The following RTN1 variants were observed in gnomAD, a reference collection of about 807,000 sequenced individuals.
The protein encoded by RTN1 is reticulon-1.
In RTN1, 25 loss-of-function variants were observed where a neutral mutation model predicts 65.5. That is an observed-to-expected ratio of 0.38 (90% CI 0.28 to 0.53). RTN1 has a LOEUF of 0.53. Ranked by LOEUF, RTN1 falls within the 20% of genes least tolerant of loss-of-function variation. RTN1 has a pLI of 0.79. For missense variants in RTN1, 983 were observed against 1,025.4 expected (o/e 0.96, Z 0.57); for synonymous variants, 471 against 447.6 (o/e 1.05, Z -0.66).
At chr14:59,815,119 C>T (rs1227120997) in intron 1 of RTN1, among the ~76,000 whole-genome samples, 1 of 152,174 alleles carries the variant, frequency 6.6e-6, no homozygotes, top group Non-Finnish European at 1.5e-5. Context: ...AAGACAGCTC[C>T]TATTTACTCT....
intron 1 of RTN1, among the ~76,000 whole-genome samples, chr14:59,844,213 C>T (rs568499650): frequency 6.6e-5 from 10 of 152,252 alleles, no homozygotes; most frequent in South Asian, 2.1e-4. Flanking sequence ...CCCGAACTCA[C>T]GTTGAAATTT....
intron 3 of RTN1, among the ~76,000 whole-genome samples, chr14:59,700,030 A>G (rs755900522): frequency 1.3e-5 from 2 of 152,086 alleles, no homozygotes; most frequent in South Asian, 4.1e-4. Flanking sequence ...CACCTACTCA[A>G]CTCTACCCTT....
In RTN1 at chr14:59,639,303, A is replaced by G. The variant is rs138857797; in HGVS notation, c.1766-31811T>C. On this transcript the variant is annotated intron_variant, in intron 3 of 8. Coordinates refer to ENST00000267484, the MANE Select transcript of RTN1 (RefSeq NM_021136.3). Reference sequence around the variant, plus strand: ...TAACTAGAAAAGAGTTTAAAATAGTATAAGAATCAGCAAAATGTTACAGAG... The same window carrying G: ...TAACTAGAAAAGAGTTTAAAATAGTGTAAGAATCAGCAAAATGTTACAGAG... Among the ~76,000 whole-genome samples the G allele has an allele frequency of 5.9e-4, 90 of 152,356 alleles. 2 individuals are homozygous for G. The South Asian group carries it at 6.8e-3, about 12-fold the overall frequency.
intron 3 of RTN1, chr14:59,630,356 T>C: frequency 6.5e-7 from 1 of 1,541,816 alleles, no homozygotes; most frequent in Non-Finnish European, 8.9e-7. Context: ...CATGCACAGG[T>C]CCCACAGGTG....
intron 3 of RTN1, among the ~76,000 whole-genome samples, chr14:59,614,561 T>A (rs1438918547): frequency 6.6e-6 from 1 of 152,248 alleles, no homozygotes; most frequent in Non-Finnish European, 1.5e-5. Context: ...GTTTTAAAGA[T>A]TATTGGTAAA....
chr14:59,819,471 C>A (rs947906124), intron 1 of RTN1, among the ~76,000 whole-genome samples: 4 of 121,854 alleles, frequency 3.3e-5, no homozygotes, highest in Non-Finnish European at 6.6e-5. Flanking sequence ...AGAGTACAAT[C>A]CTCCAGCTAG....
At position 59,829,394 on chromosome 14, in the gene RTN1, CAAAAT is replaced by C. The variant is rs998394575; in HGVS notation, c.241+40991_241+40995del. On this transcript the variant is annotated intron_variant, in intron 1 of 8. Transcript: ENST00000267484. The surrounding 1 kb of genome is among the most constrained non-coding windows in gnomAD (Gnocchi z 4.3). The stretch of plus-strand genomic sequence containing the variant: ...TGCATTAAAAAACACCTCTATTAGT[CAAAAT>C]AGAATAGTTAATGCTGAGGTGACCC... Among the ~76,000 whole-genome samples, 1 of 152,088 alleles carries C rather than the reference CAAAAT, an allele frequency of 6.6e-6. No homozygotes were observed. Among genetic ancestry groups the C allele is most frequent in the African/African-American group, 2.4e-5 (1 of 41,398 alleles).
intron 3 of RTN1, among the ~76,000 whole-genome samples, chr14:59,653,365 T>C (rs926785577): frequency 9.6e-5 from 14 of 146,446 alleles, no homozygotes; most frequent in Admixed American, 8.5e-4. Context: ...CAAAGATAAT[T>C]CATTGCTAGC....
intron 3 of RTN1, among the ~76,000 whole-genome samples, chr14:59,672,635 T>C (rs900900064): frequency 6.8e-5 from 8 of 117,812 alleles, no homozygotes; most frequent in Admixed American, 1.6e-4. Flanking sequence ...CTTTTTTTTT[T>C]TTTTTTTTTT....
chr14:59,725,308 C>T (rs188403210), intron 3 of RTN1, among the ~76,000 whole-genome samples: 6 of 152,310 alleles, frequency 3.9e-5, no homozygotes, highest in South Asian at 2.1e-4. Context: ...ACCGTGCACA[C>T]GGTGACTATC....
chr14:59,637,822 T>C (rs1877734391), intron 3 of RTN1, among the ~76,000 whole-genome samples: 1 of 152,172 alleles, frequency 6.6e-6, no homozygotes, highest in African/African-American at 2.4e-5. Context: ...GTGAACCCTT[T>C]CCAGAGCATT....
At chr14:59,672,614 A>G (rs1443783868) in intron 3 of RTN1, among the ~76,000 whole-genome samples, 1 of 150,288 alleles carries the variant, frequency 6.7e-6, no homozygotes, top group Non-Finnish European at 1.5e-5. Flanking sequence ...ATGAATGAAT[A>G]CAAGATATTT....
intron 1 of RTN1, among the ~76,000 whole-genome samples, chr14:59,858,577 G>T (rs1027983250): frequency 6.6e-6 from 1 of 151,332 alleles, no homozygotes; most frequent in Non-Finnish European, 1.5e-5. Context: ...CAGAAAGCAA[G>T]AATTTGGTCT....
At chr14:59,778,273 T>C (rs1458212474) in intron 1 of RTN1, among the ~76,000 whole-genome samples, 2 of 152,240 alleles carry the variant, frequency 1.3e-5, no homozygotes, top group African/African-American at 2.4e-5. Context: ...CTATATTGTA[T>C]GCTTCATGAC....
intron 1 of RTN1, among the ~76,000 whole-genome samples, chr14:59,822,177 T>A (rs529236906): frequency 6.6e-6 from 1 of 152,326 alleles, no homozygotes; most frequent in South Asian, 2.1e-4. Context: ...TATTGTTGAT[T>A]CAGTTTTGAA....
chr14:59,727,463 C>T lies in RTN1; in HGVS notation c.1221G>A (p.Glu407=). Residue 407 remains glutamate, a synonymous_variant, in exon 3 of 9, where the codon GAG becomes GAA. Coordinates refer to ENST00000267484, the MANE Select transcript of RTN1 (RefSeq NM_021136.3). The surrounding 1 kb of genome is among the most constrained non-coding windows in gnomAD (Gnocchi z 4.2). ...SPLDHEASSA[E]SGDSEIELVS... ...CCAGCTCGATCTCTGAGTCCCCCGA[C>T]TCCGCGCTGCTGGCCTCGTGGTCCA... 4 of 1,565,964 alleles carry T rather than the reference C, an allele frequency of 2.6e-6. No individual in the cohort carries two copies. The East Asian group carries it at 7.1e-5, about 28-fold the overall frequency.
chr14:59,604,195 G>A, intron 5 of RTN1: 1 of 217,334 alleles, frequency 4.6e-6, no homozygotes, highest in East Asian at 8.8e-5. Flanking sequence ...TTTTGCATAG[G>A]CCCACGAGTT....
chr14:59,784,823 T>A (rs1448533221), intron 1 of RTN1, among the ~76,000 whole-genome samples: 1 of 152,222 alleles, frequency 6.6e-6, no homozygotes, highest in South Asian at 2.1e-4. Context: ...ACGACACTTT[T>A]GCTTCTGTAA....
rs1886411025 is a variant in RTN1 at position 59,794,815 on chromosome 14, G to A, written c.242-48334C>T. ...GTCATAGTCTATTGACCAGAGGATG[G>A]TTATATGGCCATATTTAACTAAATA... On this transcript the variant is annotated intron_variant, in intron 1 of 8. Coordinates refer to ENST00000267484, the MANE Select transcript of RTN1 (RefSeq NM_021136.3). The surrounding 1 kb of genome is among the most constrained non-coding windows in gnomAD (Gnocchi z 5.1). 6.6e-6 allele frequency among the ~76,000 whole-genome samples: 1 copy of A among 152,118 alleles called. No homozygotes were observed.
Sources: allele counts gnomAD v4.1 joint callset (sites outside exome capture counted in the v4.1 genomes callset), GRCh38; gene constraint gnomAD v4.1.1; non-coding constraint Gnocchi (gnomAD v3.1); transcripts MANE v1.5; gene names NCBI Gene and HGNC (gene_info 2026-07-23, HGNC 2026-07-21).